The following SKAP2 variants were observed in gnomAD, a reference collection of about 807,000 sequenced individuals.
SKAP2 encodes src kinase-associated phosphoprotein 2.
SKAP2 carries 28 observed loss-of-function variants against 54.9 expected under a neutral mutation model. That is an observed-to-expected ratio of 0.51 (90% CI 0.38 to 0.70). SKAP2 has a LOEUF of 0.70. Among genes scored for constraint, SKAP2 ranks in the 30% least tolerant of loss-of-function variants. The probability of loss-of-function intolerance (pLI) is 0.00; values close to 1 mark genes in which losing one functional copy is unlikely to be tolerated. For missense variants in SKAP2, 356 were observed against 424.1 expected, an observed-to-expected ratio of 0.84 and a Z score of 1.41; for synonymous variants, 137 against 134.3, an observed-to-expected ratio of 1.02 and a Z score of -0.14.
intron 9 of SKAP2, among the ~76,000 whole-genome samples, chr7:26,718,121 G>A (rs1478790558): frequency 1.3e-5 from 2 of 152,148 alleles, no homozygotes; most frequent in African/African-American, 4.8e-5. Context: ...TTTGAGGCCT[G>A]TGTAAGGATG....
intron 4 of SKAP2, among the ~76,000 whole-genome samples, chr7:26,791,522 A>G (rs1173295323): frequency 1.3e-5 from 2 of 152,210 alleles, no homozygotes; most frequent in African/African-American, 4.8e-5. Flanking sequence ...ACTTGGTTTT[A>G]GAACCATAAA....
At chr7:26,802,259 A>T (rs1783929501) in intron 4 of SKAP2, among the ~76,000 whole-genome samples, 1 of 104,060 alleles carries the variant, frequency 9.6e-6, no homozygotes, top group African/African-American at 3.5e-5. Context: ...GAGAAAAGAC[A>T]GTTTTTTTTT....
intron 4 of SKAP2, among the ~76,000 whole-genome samples, chr7:26,779,981 A>C (rs1783392755): frequency 6.6e-6 from 1 of 152,096 alleles, no homozygotes. Flanking sequence ...AATTAGGGTC[A>C]ACCAAAGGAA....
At chr7:26,665,032 A>G (rs1251440219), downstream of SKAP2, among the ~76,000 whole-genome samples, 1 of 152,226 alleles carries the variant, frequency 6.6e-6, no homozygotes, top group Non-Finnish European at 1.5e-5. Context: ...GTTAACAAAA[A>G]GGACAAAAGC....
intron 4 of SKAP2, among the ~76,000 whole-genome samples, chr7:26,794,241 C>T (rs1013850455): frequency 6.6e-6 from 1 of 152,084 alleles, no homozygotes; most frequent in African/African-American, 2.4e-5. Context: ...TAATTTGTCT[C>T]AGTAATCCTA....
In SKAP2 at chr7:26,667,755, T is replaced by C. The variant is rs1786134974; in HGVS notation, c.*1911A>G. On this transcript the variant is annotated 3_prime_UTR_variant, in exon 13 of 13. Transcript: ENST00000345317. ...GGTTTTGTCTGCAATGAAAAGCTGC[T>C]GCCATCTACTGGCCTAGGACTAAAA... 1.3e-5 allele frequency: 2 copies of C among 152,608 alleles called. No homozygotes were observed. The highest frequency in any genetic ancestry group is 4.1e-4 in the South Asian group (2 of 4,830). 9.5% of individuals were successfully genotyped at this position (152,608 alleles called of 1,614,324 possible). A position where few individuals can be genotyped will look rare whatever the true frequency, so the allele number is the denominator to read the frequency against.
chr7:26,832,630 A>G (rs940794133), intron 4 of SKAP2, among the ~76,000 whole-genome samples: 1 of 152,152 alleles, frequency 6.6e-6, no homozygotes, highest in Non-Finnish European at 1.5e-5. Context: ...CCTGAGCAAC[A>G]CAGCAAGACC....
chr7:26,690,464 TA>T (rs2127940203), intron 9 of SKAP2, 102 bp from the exon 10 acceptor site: 1 of 682,384 alleles, frequency 1.5e-6, no homozygotes, highest in East Asian at 2.7e-5. Context: ...TTATAACACA[TA>T]AACATTATTT....
intron 3 of SKAP2, among the ~76,000 whole-genome samples, chr7:26,848,227 T>C (rs762043456): frequency 1.2e-4 from 18 of 152,234 alleles, no homozygotes; most frequent in Non-Finnish European, 2.5e-4. Flanking sequence ...GAAGCTGATT[T>C]ACCCAATTTG....
intron 4 of SKAP2, among the ~76,000 whole-genome samples, chr7:26,794,647 G>A (rs993006228): frequency 3.3e-5 from 5 of 152,310 alleles, no homozygotes; most frequent in Middle Eastern, 3.4e-3. Flanking sequence ...CTGGACTGTA[G>A]GAAGGTGGAT....
At chr7:26,848,114 T>C (rs1444550306) in intron 3 of SKAP2, 8 of 152,244 alleles carry the variant, frequency 5.3e-5, no homozygotes. Flanking sequence ...CAAATTACTA[T>C]TAGCCATTCT....
At chr7:26,716,709 A>G (rs1300262887) in intron 9 of SKAP2, among the ~76,000 whole-genome samples, 1 of 151,952 alleles carries the variant, frequency 6.6e-6, no homozygotes, top group Non-Finnish European at 1.5e-5. Flanking sequence ...TGCTTCTTTG[A>G]GCAACGCAAG....
chr7:26,720,654 C>T (rs1302999095), intron 9 of SKAP2, among the ~76,000 whole-genome samples: 1 of 152,040 alleles, frequency 6.6e-6, no homozygotes, highest in African/African-American at 2.4e-5. Context: ...TTAGGGAGGC[C>T]TGAGGAAACT....
the SKAP2 span, among the ~76,000 whole-genome samples, chr7:26,658,274 T>C: frequency 6.6e-6 from 1 of 152,202 alleles, no homozygotes; most frequent in African/African-American, 2.4e-5. Context: ...CTGCAAATGT[T>C]ACCTTTCTTT....
intron 9 of SKAP2, among the ~76,000 whole-genome samples, chr7:26,701,082 T>A (rs1175819409): frequency 1.3e-5 from 2 of 152,192 alleles, no homozygotes; most frequent in African/African-American, 2.4e-5. Context: ...TCCTCTACTG[T>A]CCACTTTTAC....
intron 4 of SKAP2, among the ~76,000 whole-genome samples, chr7:26,805,233 A>T (rs12539719): frequency 0.17 from 26,292 of 152,186 alleles, 2,834 homozygotes; most frequent in Non-Finnish European, 0.24. Context: ...CAATCAACAG[A>T]CTATGATGTC....
At chr7:26,672,979 AATGAT>A (rs1786274970) in intron 11 of SKAP2, among the ~76,000 whole-genome samples, 1 of 152,168 alleles carries the variant, frequency 6.6e-6, no homozygotes, top group East Asian at 1.9e-4. Flanking sequence ...TGTGATTATG[AATGAT>A]ATATTACTTA....
chr7:26,743,051 T>A (rs1051843845), intron 4 of SKAP2, among the ~76,000 whole-genome samples: 11 of 152,200 alleles, frequency 7.2e-5, no homozygotes, highest in Admixed American at 7.2e-4. Context: ...AAGGCTAATG[T>A]AAGCCTATCT....
chr7:26,774,850 G>A (rs1027119042), intron 4 of SKAP2, among the ~76,000 whole-genome samples: 1 of 152,094 alleles, frequency 6.6e-6, no homozygotes, highest in Non-Finnish European at 1.5e-5. Flanking sequence ...GACTACAACT[G>A]CAATAAAAGG....
Sources: allele counts gnomAD v4.1 joint callset (sites outside exome capture counted in the v4.1 genomes callset), GRCh38; gene constraint gnomAD v4.1.1; transcripts MANE v1.5; gene names NCBI Gene and HGNC (gene_info 2026-07-23, HGNC 2026-07-21).